SPOUT1: variants seen among roughly 807,000 people sequenced by gnomAD.
SPOUT1 encodes the protein SPOUT domain containing methyltransferase 1, also known as 28S rRNA (uridine-N(3))-methyltransferase.
In SPOUT1, 40 loss-of-function variants were observed where a neutral mutation model predicts 54.8. That is an observed-to-expected ratio of 0.73 (90% CI 0.57 to 0.95). The LOEUF (loss-of-function observed/expected upper bound fraction) is 0.95. Ranked by LOEUF, SPOUT1 falls within the 40% of genes least tolerant of loss-of-function variation. SPOUT1 has a pLI of 0.00. For synonymous variants in SPOUT1, 193 were observed against 200.3 expected (o/e 0.96, Z 0.31); for missense variants, 437 against 499.5 (o/e 0.87, Z 1.19).
intron 3 of SPOUT1, among the ~76,000 whole-genome samples, chr9:128,827,742 C>T (rs867151059): frequency 6.6e-6 from 1 of 152,090 alleles, no homozygotes; most frequent in Non-Finnish European, 1.5e-5. Flanking sequence ...GCCAACATGG[C>T]GAAACCCCGT....
chr9:128,827,226 G>C (rs761847385), intron 3 of SPOUT1, 35 bp from the exon 4 acceptor site: 1 of 1,580,734 alleles, frequency 6.3e-7, no homozygotes, highest in Admixed American at 1.7e-5. Context: ...GCCAGTGTGA[G>C]AGGCAAGGGC....
chr9:128,825,975 C>CAGGGTGTGTCCTG, intron 7 of SPOUT1, 47 bp downstream of exon 7: 16 of 1,612,252 alleles, frequency 9.9e-6, no homozygotes, highest in Non-Finnish European at 1.2e-5. Context: ...CCTCCATTGC[C>CAGGGTGTGTCCTG]AGGGTGTGTC....
At position 128,821,986 on chromosome 9, in the gene SPOUT1, C is replaced by A; in HGVS notation, c.*779G>T. The A allele has an allele frequency of 3.1e-6, 1 of 318,144 alleles. No individual in the cohort carries two copies. The allele number at this position is 318,144 out of a possible 1,614,324, so 19.7% of individuals were successfully genotyped here. On this transcript the variant is annotated 3_prime_UTR_variant, in exon 12 of 12. Coordinates refer to ENST00000361256, the MANE Select transcript of SPOUT1 (RefSeq NM_016390.4). ...GGGATATCACCTGTCATGGTCCTTG[C>A]CCACTTGTTGCTCACCTCTGTGGGG...
chr9:128,825,456 C>T (rs945537423), intron 7 of SPOUT1, among the ~76,000 whole-genome samples: 1 of 152,218 alleles, frequency 6.6e-6, no homozygotes, highest in African/African-American at 2.4e-5. Flanking sequence ...CTTAGCCTCC[C>T]GAGTAGCTGG....
Position 128,826,237 on chromosome 9 carries a change from G to A in SPOUT1, c.509-85C>T. 1 of 1,556,434 alleles carries A rather than the reference G, an allele frequency of 6.4e-7. No individual in the cohort carries two copies. Among genetic ancestry groups the A allele is most frequent in the South Asian group, 1.2e-5 (1 of 85,238 alleles). On this transcript the variant is annotated intron_variant, in intron 6 of 11. Transcript: ENST00000361256. This position sits in a 1 kb window ranked among gnomAD's most constrained non-coding sequence, Gnocchi z 5.5. ...GACCCTGGAGCGGAGTACCGGCTCTGCCACAGACCTGCGTCTTGGCATCAG... is the reference window on the plus strand; with the variant it reads ...GACCCTGGAGCGGAGTACCGGCTCTACCACAGACCTGCGTCTTGGCATCAG...
In SPOUT1 at chr9:128,820,619, C is replaced by A; in HGVS notation, c.*2146G>T. The A allele has an allele frequency of 1.3e-6, 1 of 792,210 alleles. No individual in the cohort carries two copies. The highest frequency in any genetic ancestry group is 1.7e-5 in the African/African-American group (1 of 58,134). The allele number at this position is 792,210 out of a possible 1,614,324, so 49.1% of individuals were successfully genotyped here. On this transcript the variant is annotated 3_prime_UTR_variant, in exon 12 of 12. Coordinates refer to ENST00000361256, the MANE Select transcript of SPOUT1 (RefSeq NM_016390.4). ...TTTCATTCCTTGAGCCTCAGTTTCC[C>A]CCCGCTTGTCTCACTGGATATCTCT...
chr9:128,820,910 C>A lies in SPOUT1; in HGVS notation c.*1855G>T. On this transcript the variant is annotated 3_prime_UTR_variant, in exon 12 of 12. Transcript: ENST00000361256. ...CTCACCTGAGGCCCCTACTGCCACT[C>A]ACAGGGCCAGGCTTGCCCCAGGCTC... 1 of 1,447,048 alleles carries A rather than the reference C, an allele frequency of 6.9e-7. No homozygotes were observed. Among genetic ancestry groups the A allele is most frequent in the Non-Finnish European group, 9.5e-7 (1 of 1,050,358 alleles). The allele number at this position is 1,447,048 out of a possible 1,614,324, so 89.6% of individuals were successfully genotyped here. A position where few individuals can be genotyped will look rare whatever the true frequency, so the allele number is the denominator to read the frequency against.
chr9:128,822,750 G>T lies in SPOUT1; in HGVS notation c.*15C>A. On this transcript the variant is annotated 3_prime_UTR_variant, in exon 12 of 12. Coordinates refer to ENST00000361256, the MANE Select transcript of SPOUT1 (RefSeq NM_016390.4). ...TCACTGCTGCTTCACTGATGTCCTC[G>T]GCCCCTTAGAACTTTCAGGTGTGCC... is the stretch of plus-strand genomic sequence containing the variant. 1 of 1,566,842 alleles carries T rather than the reference G, an allele frequency of 6.4e-7. No individual in the cohort carries two copies. The highest frequency in any genetic ancestry group is 8.7e-7 in the Non-Finnish European group (1 of 1,154,620).
At position 128,824,883 on chromosome 9, in the gene SPOUT1, A is replaced by G. The variant is rs1358267528; in HGVS notation, c.713-14T>C. ...AGGTCTTGCAGTCTGGAGGGGTAAC[A>G]GAGTCTGTAAAGATGGGGTGAGGGA... On this transcript the variant is annotated splice_polypyrimidine_tract_variant and intron_variant, in intron 8 of 11. Coordinates refer to ENST00000361256, the MANE Select transcript of SPOUT1 (RefSeq NM_016390.4). 9 of 1,609,210 alleles carry G rather than the reference A, an allele frequency of 5.6e-6. 1 individual carries two copies. In the East Asian group the frequency reaches 1.8e-4, roughly 32 times the overall value.
In SPOUT1 at chr9:128,826,505, C is replaced by T; in HGVS notation, c.458+35G>A. On this transcript the variant is annotated intron_variant, in intron 5 of 11. Coordinates refer to ENST00000361256, the MANE Select transcript of SPOUT1 (RefSeq NM_016390.4). The surrounding 1 kb of genome is among the most constrained non-coding windows in gnomAD (Gnocchi z 5.5). ...CCTACCTGGTCTCCACTTTGACACA[C>T]CCCTCCCTCATGCTTAGGGGAGTGA... The T allele has an allele frequency of 6.2e-7, 1 of 1,610,186 alleles. No individual in the cohort carries two copies.
chr9:128,826,331 G>T lies in SPOUT1; in HGVS notation c.508+53C>A. The T allele has an allele frequency of 6.3e-7, 1 of 1,598,964 alleles. No homozygotes were observed. ...CGCAGGGTAGGACTGGGTGGTCTCA[G>T]TGTCTGTGGCATGATCCAGGGGAAA... On this transcript the variant is annotated intron_variant, in intron 6 of 11. Transcript: ENST00000361256. The surrounding 1 kb of genome is among the most constrained non-coding windows in gnomAD (Gnocchi z 5.5).
In SPOUT1 at chr9:128,823,831, G is replaced by A. The variant is rs1214141096; in HGVS notation, c.978C>T (p.Asn326=). 6 of 1,612,492 alleles carry A rather than the reference G, an allele frequency of 3.7e-6. No individual in the cohort carries two copies. The South Asian group carries it at 6.6e-5, about 18-fold the overall frequency. Residue 326 remains asparagine (N), a synonymous_variant, in exon 11 of 12, where the codon AAC becomes AAT. Coordinates refer to ENST00000361256, the MANE Select transcript of SPOUT1 (RefSeq NM_016390.4). ...GLEAGADADP[N]LEVAEPSVLF... ...GGACACTGGGTTCAGCCACCTCCAGGTTGGGGTCAGCATCCGCTCCAGCTT... is the reference window on the plus strand; with the variant it reads ...GGACACTGGGTTCAGCCACCTCCAGATTGGGGTCAGCATCCGCTCCAGCTT...
rs566221939 is a variant in SPOUT1, at chr9:128,826,922, G to A, written c.368+110C>T. On this transcript the variant is annotated intron_variant, in intron 4 of 11. Transcript: ENST00000361256. The surrounding 1 kb of genome is among the most constrained non-coding windows in gnomAD (Gnocchi z 5.5). ...ATTACACAGGGAATATTTCAGGCAG[G>A]GCACGAGGGAAGAGCCAGGCATGTG... The A allele has an allele frequency of 1.4e-4, 158 of 1,151,854 alleles. 1 individual carries two copies. In the African/African-American group the frequency reaches 2.0e-3, roughly 14 times the overall value. 71.4% of individuals were successfully genotyped at this position (1,151,854 alleles called of 1,614,324 possible).
rs1319695725 is a variant in SPOUT1 at position 128,821,285 on chromosome 9, C to T, written c.*1480G>A. The T allele has an allele frequency of 1.0e-5, 2 of 194,544 alleles. No individual in the cohort carries two copies. Among genetic ancestry groups the T allele is most frequent in the South Asian group, 7.7e-5 (1 of 13,048 alleles). 12.1% of individuals were successfully genotyped at this position (194,544 alleles called of 1,614,324 possible). A position where few individuals can be genotyped will look rare whatever the true frequency, so the allele number is the denominator to read the frequency against. ...CTCTCCCACCTTCCCTCTGCAGGTCCGAGGTGCACCGAGCTCTCCCGCCTT... is the reference window on the plus strand; with the variant it reads ...CTCTCCCACCTTCCCTCTGCAGGTCTGAGGTGCACCGAGCTCTCCCGCCTT... On this transcript the variant is annotated 3_prime_UTR_variant, in exon 12 of 12. Coordinates refer to ENST00000361256, the MANE Select transcript of SPOUT1 (RefSeq NM_016390.4).
rs1294169826 is a variant in SPOUT1 at position 128,826,743 on chromosome 9, T to C, written c.369-114A>G. ...TCAGGAGGCTAAGGTGGGAGGATCATCTGAGTGCAGCAAGTAGAGGCTGCA... is the reference window on the plus strand; with the variant it reads ...TCAGGAGGCTAAGGTGGGAGGATCACCTGAGTGCAGCAAGTAGAGGCTGCA... On this transcript the variant is annotated intron_variant, in intron 4 of 11. Coordinates refer to ENST00000361256, the MANE Select transcript of SPOUT1 (RefSeq NM_016390.4). This position sits in a 1 kb window ranked among gnomAD's most constrained non-coding sequence, Gnocchi z 5.5. 2.5e-6 allele frequency: 2 copies of C among 786,550 alleles called. No individual in the cohort carries two copies. Among genetic ancestry groups the C allele is most frequent in the Non-Finnish European group, 4.0e-6 (2 of 495,662 alleles). The allele number at this position is 786,550 out of a possible 1,614,324, so 48.7% of individuals were successfully genotyped here. A position where few individuals can be genotyped will look rare whatever the true frequency, so the allele number is the denominator to read the frequency against.
At position 128,820,989 on chromosome 9, in the gene SPOUT1, C is replaced by G. The variant is rs1393112031; in HGVS notation, c.*1776G>C. ...GGTTTCTTGGCAAGCCTGTCAGCTT[C>G]CCTGCCTCGAGTCCCCTCATTCCAC... On this transcript the variant is annotated 3_prime_UTR_variant, in exon 12 of 12. Transcript: ENST00000361256. The G allele has an allele frequency of 5.5e-6, 4 of 732,328 alleles. No individual in the cohort carries two copies. Among genetic ancestry groups the G allele is most frequent in the Non-Finnish European group, 9.1e-6 (4 of 441,086 alleles). The allele number at this position is 732,328 out of a possible 1,614,324, so 45.4% of individuals were successfully genotyped here.
chr9:128,828,629 G>A, intron 3 of SPOUT1, 106 bp downstream of exon 3: 1 of 1,215,266 alleles, frequency 8.2e-7, no homozygotes, highest in Non-Finnish European at 1.2e-6. Context: ...AAGATGTTTG[G>A]ACCTACTGGT....
At chr9:128,823,638 G>C (rs1830172928) in intron 11 of SPOUT1, 109 bp downstream of exon 11, 1 of 1,012,566 alleles carries the variant, frequency 9.9e-7, no homozygotes, top group African/African-American at 1.6e-5. Flanking sequence ...ACCACCTCCA[G>C]ACAAGGCAGC....
chr9:128,822,598 G>C lies in SPOUT1; in HGVS notation c.*167C>G. ...CAGGCAGCCTCAAGGCCATCACGGC[G>C]GGCAGTAAGTGAGGGTGGAGCCCAG... On this transcript the variant is annotated 3_prime_UTR_variant, in exon 12 of 12. Coordinates refer to ENST00000361256, the MANE Select transcript of SPOUT1 (RefSeq NM_016390.4). The C allele has an allele frequency of 6.4e-7, 1 of 1,569,332 alleles. No homozygotes were observed. Among genetic ancestry groups the C allele is most frequent in the African/African-American group, 1.3e-5 (1 of 74,394 alleles).
Sources: allele counts gnomAD v4.1 joint callset (sites outside exome capture counted in the v4.1 genomes callset), GRCh38; gene constraint gnomAD v4.1.1; non-coding constraint Gnocchi (gnomAD v3.1); transcripts MANE v1.5; gene names NCBI Gene and HGNC (gene_info 2026-07-23, HGNC 2026-07-21).